Variants in KIF1A observed in about 807,000 individuals in gnomAD.
The protein encoded by KIF1A is kinesin-like protein KIF1A.
Under a neutral mutation model 227.3 loss-of-function variants are expected in KIF1A, and 46 were observed. That is an observed-to-expected ratio of 0.20 (90% CI 0.16 to 0.26). The LOEUF (loss-of-function observed/expected upper bound fraction) is 0.26. Ranked by LOEUF, KIF1A falls within the 10% of genes least tolerant of loss-of-function variation. The pLI, the probability that KIF1A is intolerant of heterozygous loss-of-function variation, is 1.00. For synonymous variants in KIF1A, 1,022 were observed against 1,012.8 expected, an observed-to-expected ratio of 1.01 and a Z score of -0.17; for missense variants, 1,683 against 2,485.9, an observed-to-expected ratio of 0.68 and a Z score of 6.87.
At chr2:240,753,947 C>T (rs2049524034) in intron 27 of KIF1A, among the ~76,000 whole-genome samples, 1 of 152,166 alleles carries the variant, frequency 6.6e-6, no homozygotes. Flanking sequence ...CCAGGGTTGG[C>T]TTCCATGGGC....
intron 1 of KIF1A, among the ~76,000 whole-genome samples, chr2:240,800,065 C>A (rs907324601): frequency 6.7e-6 from 1 of 149,924 alleles, no homozygotes; most frequent in Non-Finnish European, 1.5e-5. Context: ...TTTCCAAAGT[C>A]TAGAAATGAC....
At chr2:240,785,195 G>A (rs2054575846) in intron 6 of KIF1A, 95 bp from the exon 7 acceptor site, 3 of 1,026,470 alleles carry the variant, frequency 2.9e-6, no homozygotes, top group Admixed American at 1.9e-5. Flanking sequence ...GTCATCGGGG[G>A]GGGCAGTTCC....
At chr2:240,750,589 C>A in intron 27 of KIF1A, 42 bp from the exon 28 acceptor site, 1 of 1,431,366 alleles carries the variant, frequency 7.0e-7, no homozygotes, top group South Asian at 1.2e-5. Flanking sequence ...CACCCCTCCA[C>A]GCATGTTCTG....
intron 14 of KIF1A, among the ~76,000 whole-genome samples, chr2:240,771,797 C>T (rs541011260): frequency 6.6e-6 from 1 of 152,234 alleles, no homozygotes; most frequent in African/African-American, 2.4e-5. Context: ...GGAGGCCCTT[C>T]CCCTCCACCA....
chr2:240,785,631 TC>T (rs2054640660), intron 6 of KIF1A, among the ~76,000 whole-genome samples: 1 of 151,998 alleles, frequency 6.6e-6, no homozygotes, highest in Admixed American at 6.6e-5. Flanking sequence ...CAGGGAAGGT[TC>T]CCAAGACTCA....
rs2050666671 is a variant in KIF1A at position 240,762,602 on chromosome 2, G to A, written c.2116+117C>T. 2.9e-6 allele frequency: 4 copies of A among 1,356,196 alleles called. No homozygotes were observed. In the South Asian group the frequency reaches 5.6e-5, roughly 19 times the overall value. The allele number at this position is 1,356,196 out of a possible 1,614,324, so 84.0% of individuals were successfully genotyped here. ...AAGGAGGTCTTTCCCTAAAGAGACA[G>A]GTCCAGACCCCAGGGCAAAAGTGCT... On this transcript the variant is annotated intron_variant, in intron 23 of 48. Transcript: ENST00000498729.
rs142858304 is a variant in KIF1A at position 240,764,491 on chromosome 2, C to G, written c.1769-1145G>C. Among the ~76,000 whole-genome samples the G allele has an allele frequency of 5.6e-4, 85 of 152,260 alleles. No homozygotes were observed. The East Asian group carries it at 0.016, about 29-fold the overall frequency. ...TGTCCTGCCCTCCTGCCCAGGGACC[C>G]CACAGGCAGGACTCCTGAGTCCCGA... On this transcript the variant is annotated intron_variant, in intron 20 of 48. Transcript: ENST00000498729.
At position 240,757,282 on chromosome 2, in the gene KIF1A, G is replaced by C. The variant is rs1170808755; in HGVS notation, c.2858+37C>G. 10 of 1,533,534 alleles carry C rather than the reference G, an allele frequency of 6.5e-6. No homozygotes were observed. Among genetic ancestry groups the C allele is most frequent in the Non-Finnish European group, 8.8e-6 (10 of 1,132,842 alleles). 95.0% of individuals were successfully genotyped at this position (1,533,534 alleles called of 1,614,324 possible). On this transcript the variant is annotated intron_variant, in intron 27 of 48. Coordinates refer to ENST00000498729, the MANE Select transcript of KIF1A (RefSeq NM_001244008.2). The surrounding 1 kb of genome is among the most constrained non-coding windows in gnomAD (Gnocchi z 6.2). ...AGCAGTGCTCCTGTGCAAAAGAGCT[G>C]GGTCCTCCCCAGCATGCTCTCCTCG... is the stretch of plus-strand genomic sequence containing the variant.
In KIF1A at chr2:240,745,565, G is replaced by A. The variant is rs778882846; in HGVS notation, c.3375-48C>T. On this transcript the variant is annotated intron_variant, in intron 31 of 48. Transcript: ENST00000498729. The stretch of plus-strand genomic sequence containing the variant: ...TGGTGTGGGGTGGGGGACTTGGGAT[G>A]AGACCTTACCAGGTGGAACCCACCT... 6 of 1,541,548 alleles carry A rather than the reference G, an allele frequency of 3.9e-6. No homozygotes were observed. The Admixed American group carries it at 7.0e-5, about 18-fold the overall frequency.
In KIF1A at chr2:240,757,653, A is replaced by T; in HGVS notation, c.2583-59T>A. On this transcript the variant is annotated intron_variant, in intron 26 of 48. Coordinates refer to ENST00000498729, the MANE Select transcript of KIF1A (RefSeq NM_001244008.2). This position sits in a 1 kb window ranked among gnomAD's most constrained non-coding sequence, Gnocchi z 6.2. ...ACACCAGCGACTCGCAGGGACGAACAGGGGCCGGGGCCGGGGCTGGGGGGC... is the reference window on the plus strand; with the variant it reads ...ACACCAGCGACTCGCAGGGACGAACTGGGGCCGGGGCCGGGGCTGGGGGGC... 5 of 1,450,708 alleles carry T rather than the reference A, an allele frequency of 3.4e-6. No individual in the cohort carries two copies. The highest frequency in any genetic ancestry group is 2.8e-6 in the Non-Finnish European group (3 of 1,073,462). 89.9% of individuals were successfully genotyped at this position (1,450,708 alleles called of 1,614,324 possible). A position where few individuals can be genotyped will look rare whatever the true frequency, so the allele number is the denominator to read the frequency against.
At position 240,786,374 on chromosome 2, in the gene KIF1A, T is replaced by C; in HGVS notation, c.569A>G (p.Asn190Ser). ...TGAGTCCATGAGGTCCTGGATGTCA[T>C]TGTAGGAGGTGACAGCCAGCTTGGA... ...DLSKLAVTSY[N>S]DIQDLMDSGN... Residue 190 changes from asparagine (N) to serine (S), a missense_variant, in exon 6 of 49, where the codon AAT becomes AGT. Coordinates refer to ENST00000498729, the MANE Select transcript of KIF1A (RefSeq NM_001244008.2). 1 of 1,613,524 alleles carries C rather than the reference T, an allele frequency of 6.2e-7. No homozygotes were observed.
rs1194331238 is a variant in KIF1A at position 240,740,895 on chromosome 2, C to T, written c.3749+374G>A. Among the ~76,000 whole-genome samples, 1 of 151,928 alleles carries T rather than the reference C, an allele frequency of 6.6e-6. No homozygotes were observed. The highest frequency in any genetic ancestry group is 1.5e-5 in the Non-Finnish European group (1 of 67,950). The stretch of plus-strand genomic sequence containing the variant: ...ACCCTGGGGCCCTGGAACCTGCCTC[C>T]CCAGGGCCTCAGGGCTCCCCTCCCA... On this transcript the variant is annotated intron_variant, in intron 35 of 48. Coordinates refer to ENST00000498729, the MANE Select transcript of KIF1A (RefSeq NM_001244008.2). This position sits in a 1 kb window ranked among gnomAD's most constrained non-coding sequence, Gnocchi z 6.1.
At chr2:240,812,155 G>A (rs1054556916) in intron 1 of KIF1A, among the ~76,000 whole-genome samples, 4 of 152,208 alleles carry the variant, frequency 2.6e-5, no homozygotes, top group East Asian at 3.9e-4. Flanking sequence ...GGGTGGCCCC[G>A]GAGGAACTCC....
chr2:240,776,285 T>C (rs1401552344), intron 10 of KIF1A, among the ~76,000 whole-genome samples: 1 of 152,224 alleles, frequency 6.6e-6, no homozygotes, highest in East Asian at 1.9e-4. Flanking sequence ...TCTGAGTCCA[T>C]GGCCCCTCCT....
Position 240,782,488 on chromosome 2 carries a change from G to A in KIF1A, c.882+102C>T, listed in dbSNP as rs952514487. 110 of 1,259,190 alleles carry A rather than the reference G, an allele frequency of 8.7e-5. No individual in the cohort carries two copies. In the African/African-American group the frequency reaches 1.3e-3, roughly 15 times the overall value. The allele number at this position is 1,259,190 out of a possible 1,614,324, so 78.0% of individuals were successfully genotyped here. A position where few individuals can be genotyped will look rare whatever the true frequency, so the allele number is the denominator to read the frequency against. The stretch of plus-strand genomic sequence containing the variant: ...ACCCCCACGTCCCCCATCTCCCAGC[G>A]CACTCACTGCCCGCCCCGCCCCTCA... On this transcript the variant is annotated intron_variant, in intron 10 of 48. Coordinates refer to ENST00000498729, the MANE Select transcript of KIF1A (RefSeq NM_001244008.2).
In KIF1A at chr2:240,788,378, GC is replaced by G; in HGVS notation, c.184-149del. Reference sequence around the variant, plus strand: ...GATGCCTGCCCCCCATCCTACTCCTGCCTTGTGGGGTAGCTTCCTGGAGGAG... The same window carrying G: ...GATGCCTGCCCCCCATCCTACTCCTGCTTGTGGGGTAGCTTCCTGGAGGAG... On this transcript the variant is annotated intron_variant, in intron 3 of 48. Transcript: ENST00000498729. This position sits in a 1 kb window ranked among gnomAD's most constrained non-coding sequence, Gnocchi z 6.6. The G allele has an allele frequency of 2.8e-6, 2 of 706,532 alleles. No homozygotes were observed. The highest frequency in any genetic ancestry group is 4.8e-6 in the Non-Finnish European group (2 of 413,612). 43.8% of individuals were successfully genotyped at this position (706,532 alleles called of 1,614,324 possible). A position where few individuals can be genotyped will look rare whatever the true frequency, so the allele number is the denominator to read the frequency against.
chr2:240,795,210 A>C, intron 2 of KIF1A, among the ~76,000 whole-genome samples: 1 of 152,152 alleles, frequency 6.6e-6, no homozygotes, highest in South Asian at 2.1e-4. Context: ...GCTTGCCTAG[A>C]CTTCTGCTCA....
At chr2:240,776,437 C>G (rs2052735618) in intron 10 of KIF1A, among the ~76,000 whole-genome samples, 1 of 152,258 alleles carries the variant, frequency 6.6e-6, no homozygotes, top group African/African-American at 2.4e-5. Context: ...GCCCTCTCCC[C>G]CATCAAACTC....
At chr2:240,727,433 C>A (rs1249412841) in intron 38 of KIF1A, among the ~76,000 whole-genome samples, 5 of 152,136 alleles carry the variant, frequency 3.3e-5, no homozygotes, top group Non-Finnish European at 7.4e-5. Context: ...TAAGGAGGCG[C>A]CACCATCTCT....
Sources: gnomAD v4.1 joint callset for allele counts (sites outside exome capture counted in the v4.1 genomes callset) on GRCh38, gnomAD v4.1.1 for gene constraint, Gnocchi (gnomAD v3.1) non-coding constraint, MANE v1.5 for transcripts, NCBI Gene and HGNC (gene_info 2026-07-23, HGNC 2026-07-21) for gene names.